PCDH19: variants seen among roughly 807,000 people sequenced by gnomAD.
The protein encoded by PCDH19 is protocadherin 19.
PCDH19 carries 6 observed loss-of-function variants against 46.2 expected under a neutral mutation model. The ratio of observed to expected loss-of-function variants is 0.13; its 90% CI spans 0.07 to 0.26. The LOEUF is 0.26. PCDH19 is among the 10% of genes least tolerant of loss of function. The pLI, the probability that PCDH19 is intolerant of heterozygous loss-of-function variation, is 1.00. For missense variants in PCDH19, 740 were observed against 972.3 expected (o/e 0.76, Z 3.18); for synonymous variants, 481 against 415.7 (o/e 1.16, Z -1.91).
chrX:100,395,423 G>A (rs1222798260), intron 3 of PCDH19, among the ~76,000 whole-genome samples: 3 of 112,213 alleles, frequency 2.7e-5, no homozygotes, highest in Admixed American at 9.4e-5. Context: ...AAGTATACCC[G>A]CAGGTCCTCC....
intron 3 of PCDH19, among the ~76,000 whole-genome samples, chrX:100,396,787 G>C (rs945477183): frequency 8.9e-5 from 10 of 111,939 alleles, no homozygotes; most frequent in African/African-American, 3.2e-4. Context: ...ATGCCAATAA[G>C]ATACAATGTA....
chrX:100,329,092 G>A (rs1016931314), intron 5 of PCDH19, among the ~76,000 whole-genome samples: 1 of 112,257 alleles, frequency 8.9e-6, no homozygotes, highest in African/African-American at 3.2e-5. Context: ...GAAGGCTAGT[G>A]TGATTTGATA....
intron 3 of PCDH19, among the ~76,000 whole-genome samples, chrX:100,368,876 T>C (rs190622770): frequency 5.5e-4 from 61 of 111,571 alleles, no homozygotes; most frequent in African/African-American, 1.8e-3. Flanking sequence ...GGGATTACTT[T>C]TATCTCTTCC....
At chrX:100,299,298 G>A (rs917986044) in intron 5 of PCDH19, among the ~76,000 whole-genome samples, 2 of 112,252 alleles carry the variant, frequency 1.8e-5, no homozygotes, top group Admixed American at 1.9e-4. Context: ...TTCTAGAGCA[G>A]AGCAGTAGTG....
chrX:100,340,206 T>C, intron 5 of PCDH19, among the ~76,000 whole-genome samples: 1 of 111,953 alleles, frequency 8.9e-6, no homozygotes, highest in Non-Finnish European at 1.9e-5. Flanking sequence ...CATATATAGA[T>C]ATATACACAC....
chrX:100,374,623 C>A (rs112183716), intron 3 of PCDH19, among the ~76,000 whole-genome samples: 7 of 111,927 alleles, frequency 6.3e-5, no homozygotes, highest in African/African-American at 2.3e-4. Context: ...GCTTACAAGT[C>A]TTGGATTCAA....
intron 1 of PCDH19, among the ~76,000 whole-genome samples, chrX:100,404,002 A>G (rs1376174075): frequency 8.9e-6 from 1 of 112,208 alleles, no homozygotes; most frequent in Non-Finnish European, 1.9e-5. Flanking sequence ...TTCTCACTCG[A>G]CAAAGCTAAT....
At chrX:100,301,024 A>T (rs1407635967) in intron 5 of PCDH19, among the ~76,000 whole-genome samples, 1 of 111,079 alleles carries the variant, frequency 9.0e-6, no homozygotes, top group Admixed American at 9.6e-5. Context: ...ATTCAAACAG[A>T]AAAAGACCAG....
At chrX:100,384,320 T>C (rs1025101571) in intron 3 of PCDH19, among the ~76,000 whole-genome samples, 8 of 111,250 alleles carry the variant, frequency 7.2e-5, no homozygotes, top group African/African-American at 2.0e-4. Flanking sequence ...GGATTTACCT[T>C]AATATATATA....
At chrX:100,321,853 G>A (rs1282288299) in intron 5 of PCDH19, among the ~76,000 whole-genome samples, 1 of 88,445 alleles carries the variant, frequency 1.1e-5, no homozygotes, top group Non-Finnish European at 2.1e-5. Context: ...ACAGTGGCGC[G>A]ATCTCGGCTC....
At chrX:100,338,341 CAAAAAAAAAAAA>C (rs1192568481) in intron 5 of PCDH19, among the ~76,000 whole-genome samples, 2 of 36,002 alleles carry the variant, frequency 5.6e-5, no homozygotes, top group African/African-American at 1.1e-4. Context: ...GACTCCGTCT[CAAAAAAAAAAAA>C]AAAAAAAAAA....
intron 5 of PCDH19, among the ~76,000 whole-genome samples, chrX:100,327,979 G>C: frequency 9.0e-6 from 1 of 111,713 alleles, no homozygotes; most frequent in Non-Finnish European, 1.9e-5. Context: ...AGAATATTGG[G>C]TTCTGTGCCT....
intron 3 of PCDH19, among the ~76,000 whole-genome samples, chrX:100,371,618 C>T (rs1041192219): frequency 3.6e-5 from 4 of 111,266 alleles, no homozygotes; most frequent in African/African-American, 1.3e-4. Flanking sequence ...AACTCATTAT[C>T]TTCCTTTTCT....
Position 100,402,664 on chromosome X carries a change from G to A in PCDH19, c.2476C>T (p.Arg826Cys), listed in dbSNP as rs914370738. The A allele has an allele frequency of 8.3e-7, 1 of 1,211,398 alleles. No individual in the cohort carries two copies. The highest frequency in any genetic ancestry group is 1.1e-6 in the Non-Finnish European group (1 of 895,158). The change falls in exon 3 of 6, where the codon CGC becomes TGC. Residue 826 changes from arginine (R) to cysteine (C), a missense_variant. Physicochemically the swap from Arg to Cys is radical, Grantham distance 180 (BLOSUM62 -3). Coordinates refer to ENST00000373034, the MANE Select transcript of PCDH19 (RefSeq NM_001184880.2). Reference protein sequence around the residue: ...YHQQTLPLGCRRSESTFLNVE... With the variant: ...YHQQTLPLGCCRSESTFLNVE... ...TTCAGGAAAGTGCTCTCAGAGCGGC[G>A]GCAGCCCAGGGGCAGCGTCTGCTGG...
At chrX:100,393,085 A>C (rs1301147132) in intron 3 of PCDH19, among the ~76,000 whole-genome samples, 2 of 111,830 alleles carry the variant, frequency 1.8e-5, no homozygotes, top group African/African-American at 3.3e-5. Flanking sequence ...AATAAATTGA[A>C]AATATGCACT....
At chrX:100,402,038 C>G (rs746555919) in intron 3 of PCDH19, among the ~76,000 whole-genome samples, 51 of 112,326 alleles carry the variant, frequency 4.5e-4, no homozygotes, top group Admixed American at 1.1e-3. Flanking sequence ...TCCATATTCT[C>G]TCACCAAAAT....
At position 100,409,641 on chromosome X, in the gene PCDH19, G is replaced by A; in HGVS notation, c.-1044C>T. 5.1e-6 allele frequency: 1 copy of A among 194,687 alleles called. No individual in the cohort carries two copies. The highest frequency in any genetic ancestry group is 7.4e-5 in the South Asian group (1 of 13,543). 16.0% of individuals were successfully genotyped at this position (194,687 alleles called of 1,213,427 possible). ...GCAACAACAGTACCGGCCAGGAGAG[G>A]CGGGGCCGCCGCCGTGGGTACCGGG... is the stretch of plus-strand genomic sequence containing the variant. On this transcript the variant is annotated 5_prime_UTR_variant, in exon 1 of 6. Transcript: ENST00000373034.
rs996192230 is a variant in PCDH19, at chrX:100,409,969, A to T, written c.-1372T>A. The T allele has an allele frequency of 6.5e-4, 192 of 296,041 alleles. 1 individual carries two copies. Among genetic ancestry groups the T allele is most frequent in the African/African-American group, 5.1e-3 (183 of 35,558 alleles). 24.4% of individuals were successfully genotyped at this position (296,041 alleles called of 1,213,427 possible). On this transcript the variant is annotated 5_prime_UTR_variant, in exon 1 of 6. Transcript: ENST00000373034. ...GTCTCGGGCTGTGTGTGAATGTGTG[A>T]GAGAGAGAGGAAGAGTGAGTGTGTG...
chrX:100,388,622 T>C (rs1289774611), intron 3 of PCDH19, among the ~76,000 whole-genome samples: 1 of 111,372 alleles, frequency 9.0e-6, no homozygotes, highest in African/African-American at 3.2e-5. Flanking sequence ...ATATTAGATA[T>C]CTTAGGGCTT....
Sources: gnomAD v4.1 joint callset for allele counts (sites outside exome capture counted in the v4.1 genomes callset) on GRCh38, gnomAD v4.1.1 for gene constraint, MANE v1.5 for transcripts, NCBI Gene and HGNC (gene_info 2026-07-23, HGNC 2026-07-21) for gene names.